The following GALNT14 variants were observed in gnomAD, a reference collection of about 807,000 sequenced individuals.
GALNT14 encodes UDP-GalNAc:polypeptide N-acetylgalactosaminyltransferase 14.
Under a neutral mutation model 77.5 loss-of-function variants are expected in GALNT14, and 60 were observed. That is an observed-to-expected ratio of 0.77 (90% CI 0.63 to 0.96). The LOEUF (loss-of-function observed/expected upper bound fraction) is 0.96. Among genes scored for constraint, GALNT14 ranks in the 40% least tolerant of loss-of-function variants. The pLI is 0.00. For synonymous variants in GALNT14, 280 were observed against 281.7 expected (o/e 0.99, Z 0.06); for missense variants, 710 against 731.0 (o/e 0.97, Z 0.33).
chr2:31,129,513 T>C, intron 1 of GALNT14: 1 of 985,412 alleles, frequency 1.0e-6, no homozygotes, highest in Non-Finnish European at 1.2e-6. Context: ...GGCCATCTAT[T>C]AATAGCCAAT....
rs76820578 is a variant in GALNT14 at position 31,028,503 on chromosome 2, G to A, written c.130-35496C>T. ...CTGCCCTCCACCAGGTCCGGTTAGC[G>A]GGGCTCCCTCCATCTCAGCTAGAGC... On this transcript the variant is annotated intron_variant, in intron 1 of 14. Transcript: ENST00000349752. Among the ~76,000 whole-genome samples the A allele has an allele frequency of 2.9e-3, 435 of 152,336 alleles. 3 individuals are homozygous for A. The highest frequency in any genetic ancestry group is 9.8e-3 in the African/African-American group (406 of 41,578).
chr2:31,064,932 C>G (rs570821976), intron 1 of GALNT14, among the ~76,000 whole-genome samples: 1 of 142,382 alleles, frequency 7.0e-6, no homozygotes, highest in Non-Finnish European at 1.5e-5. Flanking sequence ...GTAAAAAAAA[C>G]TCTTCGCACG....
chr2:30,990,897 C>T (rs1669656768), intron 2 of GALNT14, among the ~76,000 whole-genome samples: 1 of 152,192 alleles, frequency 6.6e-6, no homozygotes, highest in Non-Finnish European at 1.5e-5. Context: ...ATCCTCTCTT[C>T]CCTTCTTGCT....
chr2:30,965,110 C>T (rs1667923351), intron 3 of GALNT14, among the ~76,000 whole-genome samples: 2 of 152,194 alleles, frequency 1.3e-5, no homozygotes, highest in Non-Finnish European at 2.9e-5. Flanking sequence ...GTGGCTGTGG[C>T]ATTCCTGGCC....
intron 7 of GALNT14, among the ~76,000 whole-genome samples, chr2:30,945,443 C>A (rs770348293): frequency 4.6e-5 from 7 of 152,214 alleles, no homozygotes; most frequent in Non-Finnish European, 1.0e-4. Context: ...ACAGAATAAT[C>A]ACGTCTCTAG....
At chr2:30,986,309 T>C (rs1311669680) in intron 2 of GALNT14, among the ~76,000 whole-genome samples, 1 of 152,152 alleles carries the variant, frequency 6.6e-6, no homozygotes, top group African/African-American at 2.4e-5. Context: ...CCACCCTGAA[T>C]CTGCTCCCTG....
intron 2 of GALNT14, among the ~76,000 whole-genome samples, chr2:30,977,963 T>G (rs1399130144): frequency 1.2e-4 from 19 of 152,064 alleles, no homozygotes; most frequent in Admixed American, 1.2e-3. Context: ...CCTCCCACCC[T>G]CTCCACAGCC....
intron 1 of GALNT14, among the ~76,000 whole-genome samples, chr2:31,064,626 T>C (rs1674817134): frequency 6.6e-6 from 1 of 152,092 alleles, no homozygotes; most frequent in Non-Finnish European, 1.5e-5. Context: ...ACAACACAAA[T>C]ATATCGCTGA....
chr2:31,123,720 A>G (rs1375881739), intron 1 of GALNT14, among the ~76,000 whole-genome samples: 2 of 152,214 alleles, frequency 1.3e-5, no homozygotes, highest in African/African-American at 4.8e-5. Flanking sequence ...CGGAAGAGTG[A>G]CATGATCAGG....
At chr2:30,965,811 A>C (rs1209601257) in intron 3 of GALNT14, among the ~76,000 whole-genome samples, 3 of 152,014 alleles carry the variant, frequency 2.0e-5, no homozygotes, top group Non-Finnish European at 4.4e-5. Context: ...CTGGGTGCTG[A>C]CCCAGCCTGA....
At chr2:31,136,153 A>T (rs183694257) in intron 1 of GALNT14, among the ~76,000 whole-genome samples, 1 of 150,156 alleles carries the variant, frequency 6.7e-6, no homozygotes, top group Non-Finnish European at 1.5e-5. Flanking sequence ...GTGCTATTAA[A>T]GGTGGTTTGA....
intron 2 of GALNT14, among the ~76,000 whole-genome samples, chr2:30,992,204 A>G (rs1209020404): frequency 6.6e-6 from 1 of 152,136 alleles, no homozygotes; most frequent in African/African-American, 2.4e-5. Context: ...GTCTTCACAA[A>G]GCCTCTGCTT....
chr2:31,005,089 A>G (rs1050525406), intron 1 of GALNT14, among the ~76,000 whole-genome samples: 2 of 152,246 alleles, frequency 1.3e-5, no homozygotes, highest in African/African-American at 4.8e-5. Flanking sequence ...GACCCCTAGG[A>G]CACTAAGGGA....
intron 13 of GALNT14, among the ~76,000 whole-genome samples, chr2:30,913,453 G>A (rs1664492180): frequency 6.6e-6 from 1 of 152,154 alleles, no homozygotes. Flanking sequence ...GTGTCCCCCA[G>A]GCAGACATGG....
At chr2:30,939,964 C>T (rs974583597) in intron 9 of GALNT14, among the ~76,000 whole-genome samples, 18 of 150,480 alleles carry the variant, frequency 1.2e-4, no homozygotes, top group African/African-American at 4.4e-4. Flanking sequence ...ACAGCCACCA[C>T]TGGAAAAGCA....
intron 1 of GALNT14, chr2:31,114,698 A>G: frequency 1.4e-6 from 1 of 712,986 alleles, no homozygotes. Context: ...AAAGGAACAA[A>G]TACAAAAGAG....
downstream of GALNT14, among the ~76,000 whole-genome samples, chr2:30,905,538 C>A (rs1664118815): frequency 6.6e-6 from 1 of 152,064 alleles, no homozygotes; most frequent in Non-Finnish European, 1.5e-5. Context: ...ATGAGCAAAG[C>A]CTCCAAGAAA....
Position 31,048,845 on chromosome 2 carries a change from A to T in GALNT14, c.130-55838T>A, listed in dbSNP as rs1390975181. Reference sequence around the variant, plus strand: ...CAGAGAAGTGCCCCACGTCCTTGAGATCAGGAACTGAACTTGACTTCCCTA... The same window carrying T: ...CAGAGAAGTGCCCCACGTCCTTGAGTTCAGGAACTGAACTTGACTTCCCTA... On this transcript the variant is annotated intron_variant, in intron 1 of 14. Coordinates refer to ENST00000349752, the MANE Select transcript of GALNT14 (RefSeq NM_024572.4). 3.3e-5 allele frequency among the ~76,000 whole-genome samples: 5 copies of T among 152,160 alleles called. No homozygotes were observed. The East Asian group carries it at 7.7e-4, about 24-fold the overall frequency.
chr2:30,993,048 G>A (rs1379292575), intron 1 of GALNT14, 41 bp from the exon 2 acceptor site: 1 of 1,602,536 alleles, frequency 6.2e-7, no homozygotes, highest in Non-Finnish European at 8.5e-7. Flanking sequence ...ACGGCTCCCT[G>A]TCCTCCACTA....
Sources: allele counts gnomAD v4.1 joint callset (sites outside exome capture counted in the v4.1 genomes callset), GRCh38; gene constraint gnomAD v4.1.1; transcripts MANE v1.5; gene names NCBI Gene and HGNC (gene_info 2026-07-23, HGNC 2026-07-21).